COL4A3: variants seen among roughly 807,000 people sequenced by gnomAD.
The protein encoded by COL4A3 is collagen type IV alpha 3 chain, also known as collagen alpha-3(IV) chain.
COL4A3 carries 135 observed loss-of-function variants against 217.4 expected under a neutral mutation model. The ratio of observed to expected loss-of-function variants is 0.62; its 90% confidence interval spans 0.54 to 0.72. The LOEUF (loss-of-function observed/expected upper bound fraction) is 0.72, where lower values mean the gene tolerates loss of function less well. Among genes scored for constraint, COL4A3 ranks in the 30% least tolerant of loss-of-function variants. COL4A3 has a pLI of 0.00. For missense variants in COL4A3, 1,868 were observed against 2,119.9 expected (o/e 0.88, Z 2.33); for synonymous variants, 690 against 736.3 (o/e 0.94, Z 1.02).
rs555935358 is a variant in COL4A3 at position 227,178,097 on chromosome 2, G to A, written c.87+13284G>A. Reference sequence around the variant, plus strand: ...GAAGAAGGAAAAAGAAAATCGGGCCGGGCATGCTGACTCACACCTGGAATC... The same window carrying A: ...GAAGAAGGAAAAAGAAAATCGGGCCAGGCATGCTGACTCACACCTGGAATC... On this transcript the variant is annotated intron_variant, in intron 1 of 51. Transcript: ENST00000396578. Among the ~76,000 whole-genome samples, 284 of 152,250 alleles carry A rather than the reference G, an allele frequency of 1.9e-3. 1 individual carries two copies. The highest frequency in any genetic ancestry group is 6.2e-3 in the African/African-American group (259 of 41,542).
intron 23 of COL4A3, 30 bp downstream of exon 23, chr2:227,267,118 GCAAGCACAAAAGGGT>G: frequency 2.0e-6 from 3 of 1,534,362 alleles, no homozygotes; most frequent in Non-Finnish European, 2.7e-6. Context: ...AAGTGTTTTT[GCAAGCACAAAAGGGT>G]CAATACACTG....
chr2:227,200,333 A>G (rs2066637314), intron 1 of COL4A3, among the ~76,000 whole-genome samples: 1 of 152,132 alleles, frequency 6.6e-6, no homozygotes, highest in Admixed American at 6.5e-5. Flanking sequence ...CCAGCAACCC[A>G]AAGCACCACA....
In COL4A3 at chr2:227,304,970, T is replaced by G; in HGVS notation, c.4154-15T>G. 6.2e-7 allele frequency: 1 copy of G among 1,607,850 alleles called. No individual in the cohort carries two copies. Among genetic ancestry groups the G allele is most frequent in the Non-Finnish European group, 8.5e-7 (1 of 1,174,924 alleles). Reference sequence around the variant, plus strand: ...CTATATGATAAAATGCAATACAATGTTGGTTTTTGCCTAGGACCCTGTGGG... The same window carrying G: ...CTATATGATAAAATGCAATACAATGGTGGTTTTTGCCTAGGACCCTGTGGG... On this transcript the variant is annotated splice_polypyrimidine_tract_variant and intron_variant, in intron 46 of 51. Coordinates refer to ENST00000396578, the MANE Select transcript of COL4A3 (RefSeq NM_000091.5).
Position 227,303,094 on chromosome 2 carries a change from G to A in COL4A3, c.3939G>A (p.Gly1313=), listed in dbSNP as rs141552752. The A allele has an allele frequency of 1.9e-4, 303 of 1,613,886 alleles. No individual in the cohort carries two copies. The African/African-American group carries it at 3.7e-3, about 20-fold the overall frequency. ...CCAGAGGTGATCCTGGATTCCAGGG[G>A]TTTCCAGGCGTGAAAGGTACTGTTT... ...PGPRGDPGFQ[G]FPGVKGEKGN... is the part of the protein sequence containing the mutation. The change falls in exon 44 of 52, where the codon GGG becomes GGA. Residue 1313 remains glycine, a synonymous_variant. Coordinates refer to ENST00000396578, the MANE Select transcript of COL4A3 (RefSeq NM_000091.5).
intron 3 of COL4A3, among the ~76,000 whole-genome samples, chr2:227,243,833 A>G (rs1371890825): frequency 6.6e-6 from 1 of 152,196 alleles, no homozygotes; most frequent in Non-Finnish European, 1.5e-5. Flanking sequence ...CATGTCAGGC[A>G]CATTTTGTTA....
chr2:227,219,392 A>C (rs1479014134), intron 1 of COL4A3, among the ~76,000 whole-genome samples: 1 of 152,024 alleles, frequency 6.6e-6, no homozygotes, highest in Non-Finnish European at 1.5e-5. Flanking sequence ...AGCCTTTTCC[A>C]CTTATGACAC....
At chr2:227,309,386 A>C in intron 50 of COL4A3, 68 bp downstream of exon 50, 1 of 1,226,842 alleles carries the variant, frequency 8.2e-7, no homozygotes. Context: ...GTGCTGGGTA[A>C]AATGTGATTC....
Position 227,279,798 on chromosome 2 carries a change from C to G in COL4A3, c.2131C>G (p.Gln711Glu). The change falls in exon 29 of 52, where the codon CAA (glutamine) becomes GAA (glutamate). Residue 711 changes from glutamine to glutamate, a missense_variant. Transcript: ENST00000396578. Reference sequence around the variant, plus strand: ...TTATTGTTTTTTCTCTGTAGGAGACCAAGGTTTTCCAGGTACAAAAGGATC... The same window carrying G: ...TTATTGTTTTTTCTCTGTAGGAGACGAAGGTTTTCCAGGTACAAAAGGATC... Reference protein sequence around the residue: ...FPGPPGPKGDQGFPGTKGSLG... With the variant: ...FPGPPGPKGDEGFPGTKGSLG... The G allele has an allele frequency of 6.2e-7, 1 of 1,605,848 alleles. No homozygotes were observed. The highest frequency in any genetic ancestry group is 8.5e-7 in the Non-Finnish European group (1 of 1,176,192).
intron 20 of COL4A3, among the ~76,000 whole-genome samples, chr2:227,262,610 G>C (rs539180418): frequency 6.6e-6 from 1 of 152,246 alleles, no homozygotes; most frequent in East Asian, 1.9e-4. Context: ...CACCTTGTTG[G>C]TTAAATGTAT....
intron 35 of COL4A3, among the ~76,000 whole-genome samples, chr2:227,289,736 T>G (rs2072562494): frequency 6.6e-6 from 1 of 152,136 alleles, no homozygotes; most frequent in African/African-American, 2.4e-5. Flanking sequence ...AGGAGCCCAC[T>G]TTTTTCCCGC....
intron 1 of COL4A3, among the ~76,000 whole-genome samples, chr2:227,209,914 A>G (rs10933169): frequency 0.28 from 43,252 of 152,106 alleles, 6,459 homozygotes; most frequent in Admixed American, 0.39. Context: ...TTTTATATGG[A>G]TATGTTCTGA....
chr2:227,269,878 G>A, intron 23 of COL4A3, 32 bp from the exon 24 acceptor site: 1 of 1,595,840 alleles, frequency 6.3e-7, no homozygotes, highest in Non-Finnish European at 8.6e-7. Flanking sequence ...GGCGTTCAAT[G>A]AGGAGTTAGT....
chr2:227,276,916 A>G (rs1335126102), intron 27 of COL4A3, among the ~76,000 whole-genome samples: 1 of 152,258 alleles, frequency 6.6e-6, no homozygotes, highest in Non-Finnish European at 1.5e-5. Flanking sequence ...GACATCTAGA[A>G]TATTTCCTGT....
At chr2:227,212,104 G>A (rs1366666056) in intron 1 of COL4A3, among the ~76,000 whole-genome samples, 1 of 151,924 alleles carries the variant, frequency 6.6e-6, no homozygotes, top group Non-Finnish European at 1.5e-5. Flanking sequence ...TATGTTTATG[G>A]ATTATTTGTG....
chr2:227,306,925 AG>A (rs1207846597), intron 47 of COL4A3, among the ~76,000 whole-genome samples: 2 of 152,150 alleles, frequency 1.3e-5, no homozygotes, highest in Non-Finnish European at 2.9e-5. Flanking sequence ...AGGAAGTGGT[AG>A]CCAATGCCAA....
In COL4A3 at chr2:227,266,987, T is replaced by C. The variant is rs750453798; in HGVS notation, c.1409-6T>C. 3.1e-6 allele frequency: 5 copies of C among 1,603,672 alleles called. No individual in the cohort carries two copies. Among genetic ancestry groups the C allele is most frequent in the Admixed American group, 3.3e-5 (2 of 59,988 alleles). On this transcript the variant is annotated splice_polypyrimidine_tract_variant and splice_region_variant and intron_variant, in intron 22 of 51. Transcript: ENST00000396578. Reference sequence around the variant, plus strand: ...TTTAAGTAATGCTAGTATGCTCTCATTGCAGGAGAACCAGGCCTCCTGTGT... The same window carrying C: ...TTTAAGTAATGCTAGTATGCTCTCACTGCAGGAGAACCAGGCCTCCTGTGT...
rs760284809 is a variant in COL4A3, at chr2:227,310,801, C to T, written c.4781C>T (p.Thr1594Ile). 2 of 1,614,050 alleles carry T rather than the reference C, an allele frequency of 1.2e-6. No individual in the cohort carries two copies. The highest frequency in any genetic ancestry group is 1.7e-6 in the Non-Finnish European group (2 of 1,180,018). ...TTCACAAGTGCAGGTTCTGAGGGCA[C>T]CGGGCAAGCACTGGCCTCCCCTGGC... ...IMFTSAGSEGTGQALASPGSC... is the reference protein window; with the variant it reads ...IMFTSAGSEGIGQALASPGSC... Residue 1594 changes from threonine to isoleucine, a missense_variant, in exon 51 of 52, where the codon ACC becomes ATC. Physicochemically the swap from Thr to Ile is moderately conservative, Grantham distance 89. Around this residue, in one of 2 missense-constraint regions of COL4A3, gnomAD observed 1,503 missense variants for 1,786.1 expected, o/e 0.84. Coordinates refer to ENST00000396578, the MANE Select transcript of COL4A3 (RefSeq NM_000091.5).
rs182438618 is a variant in COL4A3 at position 227,299,390 on chromosome 2, G to A, written c.3882+578G>A. ...AGCCTGGGTGACAGAGTGAGACTCCGTCAAAACAAACAAACAAACAAAACC... is the reference window on the plus strand; with the variant it reads ...AGCCTGGGTGACAGAGTGAGACTCCATCAAAACAAACAAACAAACAAAACC... On this transcript the variant is annotated intron_variant, in intron 43 of 51. Coordinates refer to ENST00000396578, the MANE Select transcript of COL4A3 (RefSeq NM_000091.5). Among the ~76,000 whole-genome samples, 217 of 150,872 alleles carry A rather than the reference G, an allele frequency of 1.4e-3. 1 individual carries two copies. Among genetic ancestry groups the A allele is most frequent in the African/African-American group, 5.0e-3 (208 of 41,468 alleles).
At chr2:227,291,048 T>C in intron 37 of COL4A3, 162 bp downstream of exon 37, 1 of 800,554 alleles carries the variant, frequency 1.2e-6, no homozygotes, top group South Asian at 1.6e-5. Flanking sequence ...CAACAGAGGA[T>C]GCTTGTCTGT....
Sources: allele counts gnomAD v4.1 joint callset (sites outside exome capture counted in the v4.1 genomes callset), GRCh38; gene constraint gnomAD v4.1.1; regional missense constraint gnomAD v4.1.1; transcripts MANE v1.5; gene names NCBI Gene and HGNC (gene_info 2026-07-23, HGNC 2026-07-21).